CNTNAP2: variants seen among roughly 807,000 people sequenced by gnomAD.
CNTNAP2 encodes the protein contactin associated protein 2.
In CNTNAP2, 98 loss-of-function variants were observed where a neutral mutation model predicts 155.2. That is an observed-to-expected ratio of 0.63 (90% CI 0.54 to 0.75). The LOEUF (loss-of-function observed/expected upper bound fraction) is 0.75. CNTNAP2 is among the 30% of genes least tolerant of loss of function. The pLI, the probability that CNTNAP2 is intolerant of heterozygous loss-of-function variation, is 0.00. For synonymous variants in CNTNAP2, 651 were observed against 631.2 expected, an observed-to-expected ratio of 1.03 and a Z score of -0.47; for missense variants, 1,727 against 1,688.1, an observed-to-expected ratio of 1.02 and a Z score of -0.40.
chr7:146,904,355 TG>T, intron 3 of CNTNAP2, among the ~76,000 whole-genome samples: 1 of 152,338 alleles, frequency 6.6e-6, no homozygotes, highest in African/African-American at 2.4e-5. Context: ...ACTCGGTCCC[TG>T]TAATCTCGCC....
intron 13 of CNTNAP2, among the ~76,000 whole-genome samples, chr7:147,701,613 T>G (rs1170318779): frequency 6.6e-6 from 1 of 152,202 alleles, no homozygotes; most frequent in Non-Finnish European, 1.5e-5. Context: ...GTATTTGGTT[T>G]CTTACTGGAG....
rs567065451 is a variant in CNTNAP2, at chr7:147,955,603, G to A, written c.2256-22259G>A. 2.6e-5 allele frequency among the ~76,000 whole-genome samples: 4 copies of A among 152,214 alleles called. No homozygotes were observed. The South Asian group carries it at 6.2e-4, about 24-fold the overall frequency. ...ATTTAGAGAATTTCAGCCCTAGAAT[G>A]TTCTGATATGTAGTGGAGGAAATTG... is the stretch of plus-strand genomic sequence containing the variant. On this transcript the variant is annotated intron_variant, in intron 14 of 23. Coordinates refer to ENST00000361727, the MANE Select transcript of CNTNAP2 (RefSeq NM_014141.6).
intron 1 of CNTNAP2, among the ~76,000 whole-genome samples, chr7:146,605,759 G>A (rs1799036185): frequency 6.6e-6 from 1 of 152,116 alleles, no homozygotes; most frequent in South Asian, 2.1e-4. Context: ...TTGAATAACT[G>A]GCATAGTGAT....
intron 14 of CNTNAP2, among the ~76,000 whole-genome samples, chr7:147,971,626 A>T (rs1430864470): frequency 3.3e-5 from 5 of 152,074 alleles, no homozygotes; most frequent in African/African-American, 1.2e-4. Flanking sequence ...ATGTATTCAG[A>T]TTTCATTCCT....
intron 21 of CNTNAP2, among the ~76,000 whole-genome samples, chr7:148,375,413 G>A (rs187393200): frequency 1.1e-3 from 162 of 149,322 alleles, no homozygotes; most frequent in Middle Eastern, 0.01. Flanking sequence ...AGGCTTGAGC[G>A]CAATGCCGTG....
intron 23 of CNTNAP2, chr7:148,414,816 G>GGTT (rs1799939278): frequency 6.2e-6 from 1 of 161,814 alleles, no homozygotes; most frequent in Admixed American, 5.7e-5. Flanking sequence ...TCTTCAGTGT[G>GGTT]GTTGTTGGAC....
rs1563068413 is a variant in CNTNAP2 at position 146,395,824 on chromosome 7, GAGGAGAGA to G, written c.97+278852_97+278859del. On this transcript the variant is annotated intron_variant, in intron 1 of 23. Transcript: ENST00000361727. ...AGATAGATAGATAGATAGATAGATA[GAGGAGAGA>G]GAGAGAGAGAGAGAGAGAGAGAGAT... Among the ~76,000 whole-genome samples, 710 of 131,142 alleles carry G rather than the reference GAGGAGAGA, an allele frequency of 5.4e-3. 5 individuals are homozygous for G. Among genetic ancestry groups the G allele is most frequent in the African/African-American group, 0.024 (632 of 26,152 alleles). 86.0% of individuals were successfully genotyped at this position (131,142 alleles called of 152,430 possible).
At chr7:146,914,089 A>G (rs888719405) in intron 3 of CNTNAP2, among the ~76,000 whole-genome samples, 1 of 152,054 alleles carries the variant, frequency 6.6e-6, no homozygotes, top group African/African-American at 2.4e-5. Context: ...ATATTTCATT[A>G]TTTATGGCTT....
At chr7:146,731,996 G>T (rs1257974420) in intron 1 of CNTNAP2, among the ~76,000 whole-genome samples, 1 of 151,946 alleles carries the variant, frequency 6.6e-6, no homozygotes, top group Non-Finnish European at 1.5e-5. Flanking sequence ...AATGCTAACT[G>T]CCCAAATTAC....
At position 147,766,225 on chromosome 7, in the gene CNTNAP2, C is replaced by T. The variant is rs77937814; in HGVS notation, c.2098+126919C>T. 2.5e-3 allele frequency among the ~76,000 whole-genome samples: 386 copies of T among 152,200 alleles called. 1 individual carries two copies. Among genetic ancestry groups the T allele is most frequent in the African/African-American group, 9.0e-3 (374 of 41,542 alleles). On this transcript the variant is annotated intron_variant, in intron 13 of 23. Transcript: ENST00000361727. ...AGTATCTCTTATGGTATGTAAATTA[C>T]ACTTCAATAAAGCTGATTATACACT...
chr7:147,461,313 A>G (rs1473793928), intron 10 of CNTNAP2, among the ~76,000 whole-genome samples: 2 of 152,216 alleles, frequency 1.3e-5, no homozygotes, highest in Non-Finnish European at 2.9e-5. Context: ...CATTGGTTGT[A>G]TGAAATGCTG....
intron 1 of CNTNAP2, among the ~76,000 whole-genome samples, chr7:146,528,036 G>T (rs920479589): frequency 3.9e-5 from 6 of 151,954 alleles, no homozygotes; most frequent in African/African-American, 1.4e-4. Flanking sequence ...TCATTTTATT[G>T]TCTTCTTTCT....
chr7:148,383,637 T>G lies in CNTNAP2; in HGVS notation c.3476-12T>G, dbSNP rs949788539. ...GAGTCAAGTAACATTTTCATTTCTT[T>G]TTTTCTTTTAGAAACAGGGAAAATT... On this transcript the variant is annotated splice_polypyrimidine_tract_variant and intron_variant, in intron 21 of 23. Transcript: ENST00000361727. 1.2e-6 allele frequency: 2 copies of G among 1,614,192 alleles called. No homozygotes were observed. The highest frequency in any genetic ancestry group is 8.5e-7 in the Non-Finnish European group (1 of 1,180,036).
At chr7:147,663,286 G>T (rs564490302) in intron 13 of CNTNAP2, among the ~76,000 whole-genome samples, 2 of 152,342 alleles carry the variant, frequency 1.3e-5, no homozygotes, top group African/African-American at 4.8e-5. Context: ...GTAAGCCACC[G>T]TGCCCAGCTG....
At chr7:148,024,068 T>A (rs967241190) in intron 15 of CNTNAP2, among the ~76,000 whole-genome samples, 2 of 151,050 alleles carry the variant, frequency 1.3e-5, no homozygotes, top group Admixed American at 1.3e-4. Context: ...TGCCTTTTTA[T>A]GCTATATCCT....
intron 3 of CNTNAP2, among the ~76,000 whole-genome samples, chr7:146,912,729 G>A (rs1054727425): frequency 6.6e-6 from 1 of 152,018 alleles, no homozygotes. Flanking sequence ...TATTTTTCTA[G>A]ACTGTGAAAA....
In CNTNAP2 at chr7:147,300,107, A is replaced by G. The variant is rs114270200; in HGVS notation, c.1349-34A>G. On this transcript the variant is annotated intron_variant, in intron 8 of 23. Transcript: ENST00000361727. Reference sequence around the variant, plus strand: ...AAATTGTGTTCAGCTGGGTAATTTTAAGATAAAAATGACTTTTATCTTGTA... The same window carrying G: ...AAATTGTGTTCAGCTGGGTAATTTTGAGATAAAAATGACTTTTATCTTGTA... 2.2e-3 allele frequency: 3,540 copies of G among 1,609,850 alleles called. 64 individuals are homozygous for G. The African/African-American group carries it at 0.04, about 18-fold the overall frequency.
intron 1 of CNTNAP2, among the ~76,000 whole-genome samples, chr7:146,772,846 A>G (rs762766036): frequency 1.4e-4 from 22 of 152,184 alleles, no homozygotes; most frequent in Non-Finnish European, 1.9e-4. Context: ...AGCAGGAGCC[A>G]GAGAGCATTT....
intron 1 of CNTNAP2, among the ~76,000 whole-genome samples, chr7:146,549,203 A>G (rs1003449296): frequency 3.9e-5 from 6 of 151,974 alleles, no homozygotes; most frequent in Non-Finnish European, 7.4e-5. Context: ...GCATATGCTT[A>G]GGATGAACAG....
Sources: allele counts gnomAD v4.1 joint callset (sites outside exome capture counted in the v4.1 genomes callset), GRCh38; gene constraint gnomAD v4.1.1; transcripts MANE v1.5; gene names NCBI Gene and HGNC (gene_info 2026-07-23, HGNC 2026-07-21).